The following TRIM14 variants were observed in gnomAD, a reference collection of about 807,000 sequenced individuals.
The protein encoded by TRIM14 is tripartite motif containing 14, also known as tripartite motif-containing protein 14.
In TRIM14, 28 loss-of-function variants were observed where a neutral mutation model predicts 44.5. The ratio of observed to expected loss-of-function variants is 0.63; its 90% CI spans 0.47 to 0.86. The LOEUF (loss-of-function observed/expected upper bound fraction) is 0.86. Among genes scored for constraint, TRIM14 ranks in the 40% least tolerant of loss-of-function variants. TRIM14 has a pLI of 0.00. For synonymous variants in TRIM14, 299 were observed against 269.2 expected (o/e 1.11, Z -1.08); for missense variants, 607 against 611.1 (o/e 0.99, Z 0.07).
intron 1 of TRIM14, among the ~76,000 whole-genome samples, chr9:98,113,101 G>A (rs1390090949): frequency 1.0e-5 from 1 of 96,954 alleles, no homozygotes; most frequent in South Asian, 3.5e-4. Context: ...CAACAAGAGC[G>A]AAACTCCATC....
chr9:98,084,116 T>C (rs2118099564), downstream of TRIM14, among the ~76,000 whole-genome samples: 1 of 148,762 alleles, frequency 6.7e-6, no homozygotes, highest in Middle Eastern at 3.6e-3. Context: ...CTGAAATCGG[T>C]GGGGAGGAAG....
the TRIM14 span, among the ~76,000 whole-genome samples, chr9:98,046,524 C>T: frequency 6.6e-6 from 1 of 152,002 alleles, no homozygotes; most frequent in Non-Finnish European, 1.5e-5. Flanking sequence ...TCACAGCAAC[C>T]TCCGCCTCCC....
the TRIM14 span, among the ~76,000 whole-genome samples, chr9:98,045,288 G>A: frequency 6.6e-6 from 1 of 152,014 alleles, no homozygotes; most frequent in African/African-American, 2.4e-5. Flanking sequence ...TCCTCTCTCA[G>A]TACAAGGTCA....
At chr9:98,098,855 G>A (rs903656159) in intron 3 of TRIM14, among the ~76,000 whole-genome samples, 2 of 151,910 alleles carry the variant, frequency 1.3e-5, no homozygotes, top group Admixed American at 6.6e-5. Flanking sequence ...GCATGATCTC[G>A]TTACTCACTG....
At chr9:98,047,939 C>T in the TRIM14 span, among the ~76,000 whole-genome samples, 1 of 151,972 alleles carries the variant, frequency 6.6e-6, no homozygotes, top group African/African-American at 2.4e-5. Context: ...GTGGCACATG[C>T]CTGTAGTGCC....
chr9:98,047,948 C>T, the TRIM14 span, among the ~76,000 whole-genome samples: 13 of 151,934 alleles, frequency 8.6e-5, no homozygotes, highest in East Asian at 2.5e-3. Flanking sequence ...GCCTGTAGTG[C>T]CAGCTACTCA....
intron 4 of TRIM14, chr9:98,092,517 G>A (rs1356190581): frequency 2.6e-5 from 11 of 428,498 alleles, no homozygotes; most frequent in Non-Finnish European, 5.2e-5. Flanking sequence ...AGTGCCTTCC[G>A]CCCCCATCAC....
chr9:98,090,970 C>A (rs1036856781), intron 5 of TRIM14, among the ~76,000 whole-genome samples: 1 of 152,202 alleles, frequency 6.6e-6, no homozygotes, highest in Non-Finnish European at 1.5e-5. Context: ...GATCACCATT[C>A]TTTGGTTTCC....
At chr9:98,079,723 C>G (rs6478556), downstream of TRIM14, among the ~76,000 whole-genome samples, 1 of 152,054 alleles carries the variant, frequency 6.6e-6, no homozygotes, top group Non-Finnish European at 1.5e-5. Context: ...GTATCTCCGT[C>G]CCCACTCAAG....
rs1048501303 is a variant in TRIM14 at position 98,087,397 on chromosome 9, C to A, written c.*73G>T. 2 of 1,607,286 alleles carry A rather than the reference C, an allele frequency of 1.2e-6. No homozygotes were observed. Among genetic ancestry groups the A allele is most frequent in the South Asian group, 2.2e-5 (2 of 90,576 alleles). On this transcript the variant is annotated 3_prime_UTR_variant, in exon 6 of 6. Transcript: ENST00000341469. ...AAGCAGGCAGTAAGGGGACCAGCCA[C>A]GCTGATCTAGGTAGATTAGGCGAGA... is the stretch of plus-strand genomic sequence containing the variant.
the TRIM14 span, among the ~76,000 whole-genome samples, chr9:98,059,367 A>G: frequency 9.7e-4 from 147 of 152,254 alleles, 1 homozygote; most frequent in South Asian, 5.8e-3. Context: ...GTCTACAGAA[A>G]TGGCCGTGAG....
chr9:98,071,313 C>T (rs989542554), intron 6 of TRIM14, among the ~76,000 whole-genome samples: 1 of 152,234 alleles, frequency 6.6e-6, no homozygotes, highest in Non-Finnish European at 1.5e-5. Flanking sequence ...CTGTGTGGCC[C>T]ATACCCGGGC....
the TRIM14 span, among the ~76,000 whole-genome samples, chr9:98,039,180 T>C: frequency 6.6e-6 from 1 of 152,232 alleles, no homozygotes. Flanking sequence ...AGACAGACTC[T>C]CACTCCATTG....
intron 2 of TRIM14, among the ~76,000 whole-genome samples, chr9:98,104,802 G>A (rs777273183): frequency 6.6e-6 from 1 of 152,214 alleles, no homozygotes; most frequent in Non-Finnish European, 1.5e-5. Flanking sequence ...AGTGTGGGCT[G>A]CTGTGTGAAT....
intron 3 of TRIM14, among the ~76,000 whole-genome samples, chr9:98,097,806 C>T (rs1344504706): frequency 2.0e-5 from 3 of 152,216 alleles, no homozygotes; most frequent in Non-Finnish European, 4.4e-5. Context: ...TAGCATGCTT[C>T]TCCATGGAAG....
Position 98,087,455 on chromosome 9 carries a change from C to A in TRIM14, c.*15G>T, listed in dbSNP as rs111389800. On this transcript the variant is annotated 3_prime_UTR_variant, in exon 6 of 6. Transcript: ENST00000341469. ...GCTGCGGCGTACCTGGAGGCTGTCA[C>A]GCCGGTCCTGGCCCCTAGGGCAGCC... is the stretch of plus-strand genomic sequence containing the variant. The A allele has an allele frequency of 1.9e-4, 301 of 1,605,708 alleles. 2 individuals carry two copies. The African/African-American group carries it at 3.3e-3, about 18-fold the overall frequency.
At chr9:98,073,339 C>T (rs1292798317) in intron 6 of TRIM14, among the ~76,000 whole-genome samples, 1 of 122,888 alleles carries the variant, frequency 8.1e-6, no homozygotes, top group East Asian at 2.7e-4. Context: ...GGCTGGAGTG[C>T]AATGGCATGC....
intron 2 of TRIM14, among the ~76,000 whole-genome samples, chr9:98,100,994 T>C (rs1286032957): frequency 6.6e-6 from 1 of 152,184 alleles, no homozygotes; most frequent in East Asian, 1.9e-4. Flanking sequence ...ATTTTTATTT[T>C]TTGAGAAGGA....
chr9:98,056,853 G>T, the TRIM14 span: 2 of 1,609,390 alleles, frequency 1.2e-6, no homozygotes, highest in South Asian at 1.1e-5. Context: ...GGGTGGGCGG[G>T]CAACACCCGT....
Sources: gnomAD v4.1 joint callset for allele counts (sites outside exome capture counted in the v4.1 genomes callset) on GRCh38, gnomAD v4.1.1 for gene constraint, MANE v1.5 for transcripts, NCBI Gene and HGNC (gene_info 2026-07-23, HGNC 2026-07-21) for gene names.